CLCNKB: variants seen among roughly 807,000 people sequenced by gnomAD.
The protein encoded by CLCNKB is chloride voltage-gated channel Kb, also known as chloride channel protein ClC-Kb.
A neutral mutation model predicts 83.8 loss-of-function variants in CLCNKB; 74 were observed. The observed-to-expected ratio is 0.88, with a 90% CI of 0.73 to 1.07. The LOEUF (loss-of-function observed/expected upper bound fraction) is 1.07. CLCNKB is among the 50% of genes least tolerant of loss of function. The pLI, the probability that CLCNKB is intolerant of heterozygous loss-of-function variation, is 0.00. For synonymous variants in CLCNKB, 358 were observed against 356.6 expected, an observed-to-expected ratio of 1.00 and a Z score of -0.04; for missense variants, 798 against 893.6, an observed-to-expected ratio of 0.89 and a Z score of 1.36.
At chr1:16,050,406 C>T (rs1442501410) in intron 10 of CLCNKB, 110 bp from the exon 11 acceptor site, 1 of 1,200,464 alleles carries the variant, frequency 8.3e-7, no homozygotes, top group South Asian at 1.2e-5. Flanking sequence ...CAGTCCATGT[C>T]CCCCATTCCT....
rs1274302758 is a variant in CLCNKB, at chr1:16,048,502, A to T, written c.577-2A>T. The T allele has an allele frequency of 6.2e-7, 1 of 1,613,366 alleles. No homozygotes were observed. On this transcript the variant is annotated splice_acceptor_variant, in intron 6 of 19. Coordinates refer to ENST00000375679, the MANE Select transcript of CLCNKB (RefSeq NM_000085.5). LOFTEE classifies it high-confidence loss of function. ...TCTGAGCCCTGGACTCGGATCCCCC[A>T]GAACAAGAGCAAGCAAAACGAAATG... is the stretch of plus-strand genomic sequence containing the variant.
intron 17 of CLCNKB, 54 bp from the exon 18 acceptor site, chr1:16,055,621 G>C (rs2023413988): frequency 1.9e-6 from 3 of 1,603,146 alleles, no homozygotes; most frequent in Non-Finnish European, 2.6e-6. Flanking sequence ...GGTGGTCAGA[G>C]AGAGGCATCC....
rs1259468911 is a variant in CLCNKB at position 16,055,709 on chromosome 1, C to T, written c.1880C>T (p.Pro627Leu). ...CAGGACATCTTGGCTGCAGGCTGCC[C>T]CACAGAACCAGTGACCCTGAAGCTG... The part of the protein sequence containing the change: ...CLQDILAAGC[P>L]TEPVTLKLSP... Residue 627 changes from proline to leucine, a missense_variant, in exon 18 of 20, where the codon CCC becomes CTC. Physicochemically the swap from Pro to Leu is moderately conservative, Grantham distance 98 (BLOSUM62 -3). Transcript: ENST00000375679. 3 of 1,613,764 alleles carry T rather than the reference C, an allele frequency of 1.9e-6. No individual in the cohort carries two copies. The highest frequency in any genetic ancestry group is 4.5e-5 in the East Asian group (2 of 44,898).
chr1:16,048,010 T>C lies in CLCNKB; in HGVS notation c.464T>C (p.Leu155Pro), dbSNP rs758970911. The change falls in exon 5 of 20, where the codon CTG (leucine) becomes CCG (proline). Residue 155 changes from leucine to proline, a missense_variant. By Grantham distance (98) the Leu-to-Pro change is moderately conservative (BLOSUM62 -3). Coordinates refer to ENST00000375679, the MANE Select transcript of CLCNKB (RefSeq NM_000085.5). ...GAKVVGLSCT[L>P]ACGSTLFLGK... ...AAAGTGGTGGGCCTCTCCTGCACCC[T>C]GGCCTGTGGCAGCACCCTCTTCCTC... 6.2e-7 allele frequency: 1 copy of C among 1,613,974 alleles called. No individual in the cohort carries two copies. Among genetic ancestry groups the C allele is most frequent in the African/African-American group, 1.3e-5 (1 of 74,894 alleles).
intron 2 of CLCNKB, 68 bp downstream of exon 2, chr1:16,044,660 A>T: frequency 7.5e-7 from 1 of 1,330,062 alleles, no homozygotes; most frequent in South Asian, 1.3e-5. Flanking sequence ...CCCAGCTCCC[A>T]CCCCACCTCC....
Position 16,045,610 on chromosome 1 carries a change from C to T in CLCNKB, c.153C>T (p.Tyr51=), listed in dbSNP as rs1324713934. 8 of 1,613,948 alleles carry T rather than the reference C, an allele frequency of 5.0e-6. 1 individual carries two copies. The African/African-American group carries it at 6.7e-5, about 13-fold the overall frequency. ...TCTTCCGCCTGGGCGAGGACTGGTA[C>T]TTCCTGATGACCCTCGGGGTGCTCA... ...QKLFRLGEDW[Y]FLMTLGVLMA... is the part of the protein sequence containing the mutation. Residue 51 remains tyrosine, a synonymous_variant, in exon 3 of 20, where the codon TAC becomes TAT. Coordinates refer to ENST00000375679, the MANE Select transcript of CLCNKB (RefSeq NM_000085.5).
chr1:16,048,719 C>G (rs903016365), intron 7 of CLCNKB, 137 bp downstream of exon 7: 1 of 1,486,914 alleles, frequency 6.7e-7, no homozygotes, highest in Non-Finnish European at 9.0e-7. Flanking sequence ...GCCTTGGGCA[C>G]AGCCACCGCC....
At chr1:16,048,834 C>T in intron 7 of CLCNKB, 2 of 1,441,596 alleles carry the variant, frequency 1.4e-6, no homozygotes, top group Non-Finnish European at 1.8e-6. Context: ...GACCCTGGCC[C>T]GTTGGCCTCT....
intron 3 of CLCNKB, 84 bp downstream of exon 3, chr1:16,045,770 A>T (rs2124084353): frequency 3.9e-5 from 25 of 638,306 alleles, no homozygotes; most frequent in East Asian, 2.5e-4. Context: ...CGCCAGGTGC[A>T]GCGGAGGTTG....
chr1:16,044,774 G>C (rs1384033557), intron 2 of CLCNKB, among the ~76,000 whole-genome samples, 182 bp downstream of exon 2: 1 of 152,194 alleles, frequency 6.6e-6, no homozygotes, highest in African/African-American at 2.4e-5. Context: ...GCTGTCTGTG[G>C]GTCAGATGGG....
intron 1 of CLCNKB, 142 bp from the exon 2 acceptor site, chr1:16,044,344 G>A: frequency 1.0e-5 from 3 of 289,240 alleles, no homozygotes; most frequent in African/African-American, 2.9e-5. Flanking sequence ...GACCTAGTGT[G>A]ATAACTTCAC....
At position 16,044,498 on chromosome 1, in the gene CLCNKB, G is replaced by T. The variant is rs536104811; in HGVS notation, c.6G>T (p.Glu2Asp). The T allele has an allele frequency of 6.2e-7, 1 of 1,602,106 alleles. No individual in the cohort carries two copies. Among genetic ancestry groups the T allele is most frequent in the Non-Finnish European group, 8.5e-7 (1 of 1,175,274 alleles). Residue 2 changes from glutamate (E) to aspartate (D), a missense_variant, in exon 2 of 20, where the codon GAG becomes GAT. Physicochemically the swap from Glu to Asp is conservative, Grantham distance 45. Coordinates refer to ENST00000375679, the MANE Select transcript of CLCNKB (RefSeq NM_000085.5). ...TCCGCTTCTCCAGGGGCCTGATGGAGGAGTTTGTGGGGCTGCGTGAAGGCT... is the reference window on the plus strand; with the variant it reads ...TCCGCTTCTCCAGGGGCCTGATGGATGAGTTTGTGGGGCTGCGTGAAGGCT... Reference protein sequence around the residue: MEEFVGLREGSS... With the variant: MDEFVGLREGSS...
At chr1:16,049,427 C>CA (rs1291324370) in intron 8 of CLCNKB, among the ~76,000 whole-genome samples, 182 bp downstream of exon 8, 2 of 152,134 alleles carry the variant, frequency 1.3e-5, no homozygotes, top group African/African-American at 2.4e-5. Flanking sequence ...GCAAGAAGGG[C>CA]AGGGGCCCTG....
intron 15 of CLCNKB, among the ~76,000 whole-genome samples, chr1:16,052,897 G>C (rs928816957): frequency 6.6e-6 from 1 of 152,198 alleles, no homozygotes; most frequent in African/African-American, 2.4e-5. Context: ...GGCTCTGAGA[G>C]TCCCTGGGTC....
At chr1:16,044,620 C>G (rs768090520) in intron 2 of CLCNKB, 28 bp downstream of exon 2, 13 of 1,541,946 alleles carry the variant, frequency 8.4e-6, no homozygotes, top group Admixed American at 1.9e-5. Context: ...TTCCCTTCCC[C>G]CTGGAGGACC....
At chr1:16,044,450 G>T (rs760303999) in intron 1 of CLCNKB, 36 bp from the exon 2 acceptor site, 5 of 1,542,318 alleles carry the variant, frequency 3.2e-6, no homozygotes, top group African/African-American at 1.4e-5. Flanking sequence ...ACGTGCAGCA[G>T]CTCACCGCGG....
intron 16 of CLCNKB, 61 bp from the exon 17 acceptor site, chr1:16,055,374 T>C: frequency 7.4e-7 from 1 of 1,356,274 alleles, no homozygotes; most frequent in South Asian, 1.2e-5. Context: ...AGGTGCTAAG[T>C]AAATGTGAGT....
chr1:16,051,837 C>A lies in CLCNKB; in HGVS notation c.1408+17C>A, dbSNP rs1229376288. The A allele has an allele frequency of 1.3e-6, 2 of 1,590,150 alleles. No individual in the cohort carries two copies. The highest frequency in any genetic ancestry group is 1.1e-5 in the South Asian group (1 of 90,618). The stretch of plus-strand genomic sequence containing the variant: ...CTCTGGCAGGTGAGTGGGTCAGGGG[C>A]CTGCTGCGTGGGCAATGTCGTGCGG... On this transcript the variant is annotated intron_variant, in intron 14 of 19. Transcript: ENST00000375679.
chr1:16,049,223 G>A lies in CLCNKB; in HGVS notation c.759G>A (p.Leu253=), dbSNP rs367985309. The A allele has an allele frequency of 1.9e-5, 30 of 1,613,738 alleles. No individual in the cohort carries two copies. Among genetic ancestry groups the A allele is most frequent in the Non-Finnish European group, 2.4e-5 (28 of 1,179,958 alleles). Residue 253 remains leucine, a synonymous_variant, in exon 8 of 20, where the codon CTG becomes CTA. Coordinates refer to ENST00000375679, the MANE Select transcript of CLCNKB (RefSeq NM_000085.5). ...GCGGGGCCTTCATGTTCCGGCTCCTGGCGGTCTTCAACAGCGAGCAGGGTG... is the reference window on the plus strand; with the variant it reads ...GCGGGGCCTTCATGTTCCGGCTCCTAGCGGTCTTCAACAGCGAGCAGGGTG... ...ATCGAFMFRL[L]AVFNSEQETI...
Sources: gnomAD v4.1 joint callset for allele counts (sites outside exome capture counted in the v4.1 genomes callset) on GRCh38, gnomAD v4.1.1 for gene constraint, MANE v1.5 for transcripts, NCBI Gene and HGNC (gene_info 2026-07-23, HGNC 2026-07-21) for gene names.